NDST4: variants seen among roughly 807,000 people sequenced by gnomAD.
NDST4 encodes N-deacetylase and N-sulfotransferase 4.
In NDST4, 63 loss-of-function variants were observed where a neutral mutation model predicts 100.8. The ratio of observed to expected loss-of-function variants is 0.62; its 90% CI spans 0.51 to 0.77. NDST4 has a LOEUF of 0.77. Among genes scored for constraint, NDST4 ranks in the 30% least tolerant of loss-of-function variants. The pLI is 0.00. For synonymous variants in NDST4, 377 were observed against 361.8 expected, an observed-to-expected ratio of 1.04 and a Z score of -0.48; for missense variants, 943 against 1,018.4, an observed-to-expected ratio of 0.93 and a Z score of 1.01.
intron 2 of NDST4, among the ~76,000 whole-genome samples, chr4:115,060,794 C>T (rs980211931): frequency 1.3e-5 from 2 of 151,600 alleles, no homozygotes; most frequent in Non-Finnish European, 2.9e-5. Flanking sequence ...TCAGTGTAGT[C>T]CCAACATGGC....
chr4:115,061,886 A>C (rs1409653151), intron 2 of NDST4, among the ~76,000 whole-genome samples: 1 of 152,116 alleles, frequency 6.6e-6, no homozygotes, highest in Non-Finnish European at 1.5e-5. Flanking sequence ...TCTTTAAATA[A>C]ATGATATTAA....
intron 2 of NDST4, among the ~76,000 whole-genome samples, chr4:115,061,804 A>G (rs1728830400): frequency 6.6e-6 from 1 of 152,196 alleles, no homozygotes; most frequent in South Asian, 2.1e-4. Context: ...AAAAAAGTAG[A>G]CAGTGTTCAA....
intron 6 of NDST4, among the ~76,000 whole-genome samples, chr4:114,915,914 C>T (rs1044302601): frequency 5.9e-5 from 9 of 151,838 alleles, no homozygotes; most frequent in East Asian, 5.8e-4. Context: ...AATGCAAACC[C>T]CAACCACTTA....
intron 2 of NDST4, among the ~76,000 whole-genome samples, chr4:115,017,645 C>T (rs6419194): frequency 0.87 from 132,190 of 152,004 alleles, 57,925 homozygotes; most frequent in African/African-American, 0.92. Context: ...TTTTATTTTA[C>T]AAAGGAATAT....
intron 11 of NDST4, among the ~76,000 whole-genome samples, chr4:114,834,756 G>A (rs1319631778): frequency 6.6e-6 from 1 of 152,154 alleles, no homozygotes; most frequent in African/African-American, 2.4e-5. Context: ...GTTTTTGGTG[G>A]TAGGCTATTA....
chr4:115,041,037 G>A (rs1416334677), intron 2 of NDST4, among the ~76,000 whole-genome samples: 1 of 151,972 alleles, frequency 6.6e-6, no homozygotes, highest in Non-Finnish European at 1.5e-5. Context: ...TAGAAGAGAA[G>A]TTTCTCTTTA....
rs907435999 is a variant in NDST4, at chr4:114,966,110, A to G, written c.1221+4320T>C. ...TGTAACTGCCATATTTCGGTTGACT[A>G]TGCTTGTCATTAGACTAAGATCCTG... On this transcript the variant is annotated intron_variant, in intron 4 of 13. Coordinates refer to ENST00000264363, the MANE Select transcript of NDST4 (RefSeq NM_022569.3). Among the ~76,000 whole-genome samples the G allele has an allele frequency of 3.3e-5, 5 of 152,160 alleles. 1 individual carries two copies. Among genetic ancestry groups the G allele is most frequent in the Non-Finnish European group, 7.4e-5 (5 of 67,920 alleles).
At chr4:115,096,305 G>C (rs935583491) in intron 1 of NDST4, among the ~76,000 whole-genome samples, 1 of 151,904 alleles carries the variant, frequency 6.6e-6, no homozygotes, top group South Asian at 2.1e-4. Context: ...TTAAATTCAT[G>C]ATCAGTAGAC....
chr4:115,022,259 T>C (rs1409952141), intron 2 of NDST4, among the ~76,000 whole-genome samples: 1 of 151,596 alleles, frequency 6.6e-6, no homozygotes, highest in Non-Finnish European at 1.5e-5. Context: ...ACGTTCCATA[T>C]ATATAAGTTC....
At chr4:115,063,839 C>CT (rs556500742) in intron 2 of NDST4, among the ~76,000 whole-genome samples, 3,058 of 147,468 alleles carry the variant, frequency 0.021, 45 homozygotes, top group Non-Finnish European at 0.025. Context: ...CTTCTTAATA[C>CT]TTTTTTTTTT....
At chr4:114,844,215 T>C (rs1201672753) in intron 10 of NDST4, among the ~76,000 whole-genome samples, 4 of 152,204 alleles carry the variant, frequency 2.6e-5, no homozygotes, top group African/African-American at 4.8e-5. Flanking sequence ...TAGCTTCAAG[T>C]GTGATTTCTC....
intron 6 of NDST4, among the ~76,000 whole-genome samples, chr4:114,929,204 G>A (rs770602344): frequency 6.6e-6 from 1 of 151,196 alleles, no homozygotes; most frequent in Non-Finnish European, 1.5e-5. Flanking sequence ...GGAGAACCCC[G>A]TCTAAGACAT....
At chr4:114,988,736 C>T (rs1050061539) in intron 2 of NDST4, among the ~76,000 whole-genome samples, 1 of 152,060 alleles carries the variant, frequency 6.6e-6, no homozygotes, top group Non-Finnish European at 1.5e-5. Context: ...AGTTTATATA[C>T]ATTTGAGGCA....
At chr4:114,942,745 A>T (rs1725776876) in intron 4 of NDST4, among the ~76,000 whole-genome samples, 1 of 151,996 alleles carries the variant, frequency 6.6e-6, no homozygotes, top group Non-Finnish European at 1.5e-5. Flanking sequence ...CACACCCAAA[A>T]TAATCAAATG....
At chr4:114,939,078 G>A (rs893089458) in intron 4 of NDST4, among the ~76,000 whole-genome samples, 1 of 152,156 alleles carries the variant, frequency 6.6e-6, no homozygotes, top group Non-Finnish European at 1.5e-5. Context: ...TTGTTACCCT[G>A]ATATCACTAG....
At chr4:115,061,296 T>A (rs1265472648) in intron 2 of NDST4, among the ~76,000 whole-genome samples, 1 of 152,070 alleles carries the variant, frequency 6.6e-6, no homozygotes, top group African/African-American at 2.4e-5. Flanking sequence ...GAATTAAAAA[T>A]CAATCTACTG....
At chr4:114,889,727 A>G (rs2126205513) in intron 6 of NDST4, among the ~76,000 whole-genome samples, 1 of 152,294 alleles carries the variant, frequency 6.6e-6, no homozygotes, top group Non-Finnish European at 1.5e-5. Flanking sequence ...GACAGCCTTG[A>G]CTGGGGGGAG....
At chr4:114,981,039 C>T (rs1448996928) in intron 2 of NDST4, among the ~76,000 whole-genome samples, 1 of 151,900 alleles carries the variant, frequency 6.6e-6, no homozygotes, top group Non-Finnish European at 1.5e-5. Flanking sequence ...TGGTGCAACC[C>T]CTTCTCTACA....
chr4:115,047,399 T>C (rs894356879), intron 2 of NDST4, among the ~76,000 whole-genome samples: 5 of 152,060 alleles, frequency 3.3e-5, no homozygotes, highest in African/African-American at 4.8e-5. Context: ...AAGAATACCA[T>C]GGGTTTTAGC....
Sources: gnomAD v4.1 joint callset for allele counts (sites outside exome capture counted in the v4.1 genomes callset) on GRCh38, gnomAD v4.1.1 for gene constraint, MANE v1.5 for transcripts, NCBI Gene and HGNC (gene_info 2026-07-23, HGNC 2026-07-21) for gene names.